The following PDGFRA variants were observed in gnomAD, a reference collection of about 807,000 sequenced individuals.
PDGFRA encodes the protein platelet-derived growth factor receptor alpha.
In PDGFRA, 25 loss-of-function variants were observed where a neutral mutation model predicts 121.5. That is an observed-to-expected ratio of 0.21 (90% CI 0.15 to 0.29). The LOEUF (loss-of-function observed/expected upper bound fraction) is 0.29, where lower values mean the gene tolerates loss of function less well. Ranked by LOEUF, PDGFRA falls within the 10% of genes least tolerant of loss-of-function variation. The probability of loss-of-function intolerance (pLI) is 1.00; values close to 1 mark genes in which losing one functional copy is unlikely to be tolerated. For missense variants in PDGFRA, 1,008 were observed against 1,345.1 expected, an observed-to-expected ratio of 0.75 and a Z score of 3.92; for synonymous variants, 463 against 494.8, an observed-to-expected ratio of 0.94 and a Z score of 0.85.
At chr4:54,279,026 C>T (rs1723917414) in intron 15 of PDGFRA, 1 of 349,370 alleles carries the variant, frequency 2.9e-6, no homozygotes, top group Non-Finnish European at 5.8e-6. Flanking sequence ...TAATAAATTA[C>T]TTGGTGGACA....
intron 1 of PDGFRA, among the ~76,000 whole-genome samples, chr4:54,236,675 C>CTGTAAT (rs1361663784): frequency 2.0e-5 from 3 of 152,036 alleles, no homozygotes; most frequent in Admixed American, 1.3e-4. Context: ...TGATGGTGGG[C>CTGTAAT]ACCTGTAATA....
At chr4:54,264,834 T>TAA (rs61317836) in intron 4 of PDGFRA, 85 bp from the exon 5 acceptor site, 8,302 of 1,018,658 alleles carry the variant, frequency 8.1e-3, no homozygotes, top group Non-Finnish European at 9.7e-3. Flanking sequence ...AGGGTTTTCT[T>TAA]AAAAAAAAAA....
chr4:54,248,064 G>A (rs1428328666), intron 1 of PDGFRA, among the ~76,000 whole-genome samples: 1 of 152,192 alleles, frequency 6.6e-6, no homozygotes, highest in Non-Finnish European at 1.5e-5. Flanking sequence ...TGAAATAAAA[G>A]AGGATACAAA....
chr4:54,235,648 G>A (rs1027857048), intron 1 of PDGFRA, among the ~76,000 whole-genome samples: 23 of 152,130 alleles, frequency 1.5e-4, no homozygotes, highest in African/African-American at 4.1e-4. Flanking sequence ...GGTGTGGGCT[G>A]AATCAGAGTT....
At chr4:54,240,272 T>A (rs1721230925) in intron 1 of PDGFRA, among the ~76,000 whole-genome samples, 1 of 152,262 alleles carries the variant, frequency 6.6e-6, no homozygotes, top group Non-Finnish European at 1.5e-5. Context: ...AGACACTTGG[T>A]TTTGAGAGTT....
intron 15 of PDGFRA, 22 bp from the exon 16 acceptor site, chr4:54,280,294 A>G: frequency 6.2e-7 from 1 of 1,610,280 alleles, no homozygotes; most frequent in East Asian, 2.2e-5. Flanking sequence ...CCTGGGTAAG[A>G]TTTCTCTTTC....
At chr4:54,257,944 A>G (rs1022843511) in intron 1 of PDGFRA, among the ~76,000 whole-genome samples, 11 of 152,026 alleles carry the variant, frequency 7.2e-5, no homozygotes, top group African/African-American at 2.4e-4. Flanking sequence ...CTTCATTCCC[A>G]GATTTGGCTG....
intron 1 of PDGFRA, chr4:54,240,025 A>AT (rs752674943): frequency 3.2e-4 from 132 of 417,032 alleles, no homozygotes; most frequent in East Asian, 4.9e-4. Flanking sequence ...TAAATTTTGT[A>AT]TTTTTTTTGT....
At chr4:54,250,722 A>G (rs1722010045) in intron 1 of PDGFRA, among the ~76,000 whole-genome samples, 1 of 152,210 alleles carries the variant, frequency 6.6e-6, no homozygotes, top group African/African-American at 2.4e-5. Flanking sequence ...ATAATCAGCT[A>G]TAGGACTCTG....
intron 1 of PDGFRA, among the ~76,000 whole-genome samples, chr4:54,230,872 G>A (rs999136443): frequency 3.3e-5 from 5 of 152,196 alleles, no homozygotes; most frequent in Non-Finnish European, 7.3e-5. Context: ...GCCCGGCTGC[G>A]CCCAGGGAGC....
intron 7 of PDGFRA, among the ~76,000 whole-genome samples, chr4:54,270,177 G>A (rs772989689): frequency 2.0e-5 from 3 of 152,032 alleles, no homozygotes; most frequent in Admixed American, 1.3e-4. Flanking sequence ...CCTGCAGACC[G>A]CTACATACAA....
intron 15 of PDGFRA, among the ~76,000 whole-genome samples, chr4:54,279,720 C>T (rs139322184): frequency 5.3e-5 from 8 of 151,988 alleles, no homozygotes; most frequent in East Asian, 3.9e-4. Flanking sequence ...AATTTTTCCC[C>T]GAGTCCCCAA....
intron 1 of PDGFRA, among the ~76,000 whole-genome samples, chr4:54,257,202 A>C (rs1424771544): frequency 6.6e-6 from 1 of 152,184 alleles, no homozygotes; most frequent in Non-Finnish European, 1.5e-5. Flanking sequence ...ACAGTTTACA[A>C]ATGTTGTATT....
chr4:54,289,285 T>C (rs1180737327), intron 21 of PDGFRA, among the ~76,000 whole-genome samples, 171 bp downstream of exon 21: 1 of 152,168 alleles, frequency 6.6e-6, no homozygotes, highest in Non-Finnish European at 1.5e-5. Flanking sequence ...CAATGATGAA[T>C]GAAAACCCTC....
chr4:54,285,734 C>T (rs1724321939), intron 17 of PDGFRA, 107 bp from the exon 18 acceptor site: 2 of 1,233,730 alleles, frequency 1.6e-6, no homozygotes, highest in Admixed American at 1.7e-5. Flanking sequence ...CCTTTATATC[C>T]AGGCAGACAG....
chr4:54,261,026 T>TC, intron 2 of PDGFRA, 69 bp from the exon 3 acceptor site: 1 of 1,373,928 alleles, frequency 7.3e-7, no homozygotes, highest in Non-Finnish European at 1.0e-6. Flanking sequence ...TACTGTTGCT[T>TC]CTCTCAGTTG....
intron 22 of PDGFRA, among the ~76,000 whole-genome samples, chr4:54,293,010 G>A (rs984771242): frequency 6.6e-6 from 1 of 152,060 alleles, no homozygotes; most frequent in Non-Finnish European, 1.5e-5. Context: ...ACCTGCACAC[G>A]TGCCCTTGAA....
At chr4:54,271,935 T>A (rs1723397109) in intron 8 of PDGFRA, among the ~76,000 whole-genome samples, 1 of 44,506 alleles carries the variant, frequency 2.2e-5, no homozygotes. Flanking sequence ...TTCCTTTCTC[T>A]CCTTCCTTCC....
Position 54,295,523 on chromosome 4 carries a change from T to A in PDGFRA, c.*251T>A, listed in dbSNP as rs1724841433. 1.9e-6 allele frequency: 1 copy of A among 524,272 alleles called. No homozygotes were observed. Among genetic ancestry groups the A allele is most frequent in the African/African-American group, 1.9e-5 (1 of 52,594 alleles). 32.5% of individuals were successfully genotyped at this position (524,272 alleles called of 1,614,324 possible). A position where few individuals can be genotyped will look rare whatever the true frequency, so the allele number is the denominator to read the frequency against. On this transcript the variant is annotated 3_prime_UTR_variant, in exon 23 of 23. Transcript: ENST00000257290. ...TGTGTGAAGTTTGGAGATAGATGGATAAGGGAATAATAGGCCACAGAAGGT... is the reference window on the plus strand; with the variant it reads ...TGTGTGAAGTTTGGAGATAGATGGAAAAGGGAATAATAGGCCACAGAAGGT...
Sources: gnomAD v4.1 joint callset for allele counts (sites outside exome capture counted in the v4.1 genomes callset) on GRCh38, gnomAD v4.1.1 for gene constraint, MANE v1.5 for transcripts, NCBI Gene and HGNC (gene_info 2026-07-23, HGNC 2026-07-21) for gene names.